POFUT3: variants seen among roughly 807,000 people sequenced by gnomAD.
POFUT3 encodes the protein GDP-fucose protein O-fucosyltransferase 3.
At chr8:33,422,032 A>G in the POFUT3 span, among the ~76,000 whole-genome samples, 1 of 152,000 alleles carries the variant, frequency 6.6e-6, no homozygotes, top group Non-Finnish European at 1.5e-5. Flanking sequence ...ACAAAAACAA[A>G]AACAAAAACA....
chr8:33,370,167 A>AC, the POFUT3 span, among the ~76,000 whole-genome samples: 1 of 83,830 alleles, frequency 1.2e-5, no homozygotes, highest in Non-Finnish European at 2.2e-5. Flanking sequence ...CCCCATCTTT[A>AC]CTAAAAAAAA....
the POFUT3 span, among the ~76,000 whole-genome samples, chr8:33,422,545 CAAAAAAA>C: frequency 2.7e-5 from 1 of 37,130 alleles, no homozygotes; most frequent in Non-Finnish European, 5.2e-5. Context: ...AACTCTGTCT[CAAAAAAA>C]AAAAAAAAAA....
At chr8:33,457,397 G>A in the POFUT3 span, among the ~76,000 whole-genome samples, 1 of 152,172 alleles carries the variant, frequency 6.6e-6, no homozygotes, top group Non-Finnish European at 1.5e-5. Context: ...TTGGGAGGAT[G>A]AGGCAGGAGG....
chr8:33,373,674 G>GA, the POFUT3 span, among the ~76,000 whole-genome samples: 31 of 147,438 alleles, frequency 2.1e-4, no homozygotes, highest in Non-Finnish European at 3.3e-4. Context: ...AGGGAGAAAA[G>GA]AAAAAGAAAA....
At chr8:33,443,772 C>G in the POFUT3 span, among the ~76,000 whole-genome samples, 1 of 152,218 alleles carries the variant, frequency 6.6e-6, no homozygotes, top group South Asian at 2.1e-4. Context: ...GGATTACAGG[C>G]ATGAGCCACT....
At chr8:33,344,044 T>C in the POFUT3 span, among the ~76,000 whole-genome samples, 21 of 152,324 alleles carry the variant, frequency 1.4e-4, no homozygotes, top group South Asian at 4.4e-3. Flanking sequence ...CTTCCAAAAC[T>C]AACAGCTTCC....
chr8:33,364,205 T>C, the POFUT3 span, among the ~76,000 whole-genome samples: 1 of 152,054 alleles, frequency 6.6e-6, no homozygotes, highest in Non-Finnish European at 1.5e-5. Flanking sequence ...GAAAAGGCCT[T>C]TGACAAAATT....
the POFUT3 span, among the ~76,000 whole-genome samples, chr8:33,327,615 T>A: frequency 9.9e-5 from 15 of 152,258 alleles, no homozygotes; most frequent in East Asian, 9.6e-4. Flanking sequence ...CTAGATGGGA[T>A]TCCGTTTCAC....
the POFUT3 span, among the ~76,000 whole-genome samples, chr8:33,367,472 G>A: frequency 6.6e-6 from 1 of 151,936 alleles, no homozygotes; most frequent in Non-Finnish European, 1.5e-5. Flanking sequence ...TAATAAATAC[G>A]TGGGTAAATC....
At chr8:33,455,990 C>T in the POFUT3 span, 7 of 359,112 alleles carry the variant, frequency 1.9e-5, no homozygotes, top group Non-Finnish European at 3.3e-5. Flanking sequence ...TCATGGATCA[C>T]CTGAGACGCC....
the POFUT3 span, among the ~76,000 whole-genome samples, chr8:33,390,548 C>CAAAAAAAAA: frequency 1.1e-5 from 1 of 87,854 alleles, no homozygotes. Flanking sequence ...TGATTAACTG[C>CAAAAAAAAA]AAAAAAAAAA....
At chr8:33,372,699 G>A in the POFUT3 span, 61 of 1,613,896 alleles carry the variant, frequency 3.8e-5, no homozygotes, top group East Asian at 6.7e-5. Flanking sequence ...CACATCTCTC[G>A]CAAAGAGCTC....
the POFUT3 span, among the ~76,000 whole-genome samples, chr8:33,386,188 C>CAA: frequency 9.0e-3 from 288 of 31,974 alleles, 25 homozygotes; most frequent in African/African-American, 0.019. Context: ...GGCTCCATCT[C>CAA]AAAAAAAAAA....
the POFUT3 span, among the ~76,000 whole-genome samples, chr8:33,323,645 T>C: frequency 6.6e-6 from 1 of 152,132 alleles, no homozygotes; most frequent in Non-Finnish European, 1.5e-5. Context: ...AATTCAAGAA[T>C]ATATAACAGC....
the POFUT3 span, among the ~76,000 whole-genome samples, chr8:33,465,736 A>G: frequency 6.6e-6 from 1 of 152,250 alleles, no homozygotes; most frequent in Non-Finnish European, 1.5e-5. Context: ...TCGGCCTCCC[A>G]AAGTGCTAGG....
At chr8:33,389,588 C>A in the POFUT3 span, 1 of 1,614,142 alleles carries the variant, frequency 6.2e-7, no homozygotes, top group Admixed American at 1.7e-5. Flanking sequence ...AACTAGGTAT[C>A]GGAGTGACTT....
chr8:33,448,409 C>CT, the POFUT3 span, among the ~76,000 whole-genome samples: 9 of 152,138 alleles, frequency 5.9e-5, no homozygotes, highest in African/African-American at 2.2e-4. Context: ...GCATTCCAGC[C>CT]TGAGCGACAG....
chr8:33,417,470 G>A, the POFUT3 span, among the ~76,000 whole-genome samples: 1 of 152,156 alleles, frequency 6.6e-6, no homozygotes. Context: ...AAAAGGTTGG[G>A]CACTGCTGAA....
chr8:33,454,941 C>T, the POFUT3 span, among the ~76,000 whole-genome samples: 1 of 152,128 alleles, frequency 6.6e-6, no homozygotes. Context: ...GCTAGGATTA[C>T]AGGCATGAGC....
Sources: gnomAD v4.1 joint callset for allele counts (sites outside exome capture counted in the v4.1 genomes callset) on GRCh38, gnomAD v4.1.1 for gene constraint, MANE v1.5 for transcripts, NCBI Gene and HGNC (gene_info 2026-07-23, HGNC 2026-07-21) for gene names.